ACAT2: variants seen among roughly 807,000 people sequenced by gnomAD.
ACAT2 encodes acetyl-CoA acetyltransferase 2, also known as acetyl-CoA acetyltransferase, cytosolic.
ACAT2 carries 26 observed loss-of-function variants against 37.1 expected under a neutral mutation model. The observed-to-expected ratio is 0.70, with a 90% CI of 0.51 to 0.97. The LOEUF (loss-of-function observed/expected upper bound fraction) is 0.97. Ranked by LOEUF, ACAT2 falls within the 50% of genes least tolerant of loss-of-function variation. ACAT2 has a pLI of 0.00. For missense variants in ACAT2, 468 were observed against 489.0 expected (o/e 0.96, Z 0.40); for synonymous variants, 156 against 163.6 (o/e 0.95, Z 0.35).
intron 4 of ACAT2, among the ~76,000 whole-genome samples, chr6:159,770,650 A>G (rs1029513153): frequency 2.0e-5 from 3 of 152,208 alleles, no homozygotes; most frequent in African/African-American, 7.2e-5. Context: ...CATCTCTAAA[A>G]AAAAAGAAAA....
At chr6:159,773,769 T>G (rs1780374090) in intron 4 of ACAT2, among the ~76,000 whole-genome samples, 1 of 152,236 alleles carries the variant, frequency 6.6e-6, no homozygotes, top group Non-Finnish European at 1.5e-5. Flanking sequence ...GAGTTATAAC[T>G]TATTCAATAA....
chr6:159,768,839 GTTC>G (rs1268446671), intron 4 of ACAT2, among the ~76,000 whole-genome samples: 1 of 152,200 alleles, frequency 6.6e-6, no homozygotes, highest in Non-Finnish European at 1.5e-5. Flanking sequence ...GTACCTCAGA[GTTC>G]TTCTGGATCA....
In ACAT2 at chr6:159,762,401, C is replaced by T. The variant is rs1046114050; in HGVS notation, c.55+259C>T. 20 of 1,379,104 alleles carry T rather than the reference C, an allele frequency of 1.5e-5. No homozygotes were observed. The African/African-American group carries it at 2.8e-4, about 19-fold the overall frequency. The allele number at this position is 1,379,104 out of a possible 1,614,324, so 85.4% of individuals were successfully genotyped here. A position where few individuals can be genotyped will look rare whatever the true frequency, so the allele number is the denominator to read the frequency against. On this transcript the variant is annotated intron_variant, in intron 1 of 8. Coordinates refer to ENST00000367048, the MANE Select transcript of ACAT2 (RefSeq NM_005891.3). ...CTCCCGGGGTAGAGCCATCGCGTGGCCTGCCTCTCCCATTGGTTGGCGTAG... is the reference window on the plus strand; with the variant it reads ...CTCCCGGGGTAGAGCCATCGCGTGGTCTGCCTCTCCCATTGGTTGGCGTAG...
At chr6:159,766,937 C>T (rs1780264519) in intron 2 of ACAT2, 68 bp from the exon 3 acceptor site, 1 of 1,589,262 alleles carries the variant, frequency 6.3e-7, no homozygotes, top group Non-Finnish European at 8.6e-7. Flanking sequence ...CAATTTTCCA[C>T]ACACTTTCAC....
chr6:159,765,728 T>C (rs1006989298), intron 2 of ACAT2, among the ~76,000 whole-genome samples: 4 of 152,050 alleles, frequency 2.6e-5, no homozygotes, highest in Admixed American at 1.3e-4. Flanking sequence ...GAGCCACTGC[T>C]CACAGCCTGA....
intron 4 of ACAT2, among the ~76,000 whole-genome samples, chr6:159,774,415 T>C (rs1780382310): frequency 6.6e-6 from 1 of 152,152 alleles, no homozygotes; most frequent in Non-Finnish European, 1.5e-5. Flanking sequence ...GACCAAGGAT[T>C]AGATAATAGT....
At chr6:159,763,604 A>G (rs975567322) in intron 2 of ACAT2, among the ~76,000 whole-genome samples, 4 of 130,086 alleles carry the variant, frequency 3.1e-5, no homozygotes, top group Non-Finnish European at 4.8e-5. Context: ...ACTGACCTAC[A>G]CCACCTACAC....
intron 2 of ACAT2, among the ~76,000 whole-genome samples, chr6:159,764,241 G>A (rs905398517): frequency 6.6e-6 from 1 of 152,116 alleles, no homozygotes; most frequent in Non-Finnish European, 1.5e-5. Flanking sequence ...ACTGTGCTTA[G>A]TGCTGGGAGT....
intron 7 of ACAT2, 79 bp downstream of exon 7, chr6:159,777,535 A>G: frequency 7.1e-7 from 1 of 1,412,548 alleles, no homozygotes; most frequent in South Asian, 1.4e-5. Context: ...AGTTAGCTCT[A>G]GTCTTTCCCT....
rs1583125751 is a variant in ACAT2, at chr6:159,766,931, T to C, written c.191-74T>C. Reference sequence around the variant, plus strand: ...AGTGGCAGGTAACCCAACTGGCAATTTTCCACACACTTTCACTGTGACATT... The same window carrying C: ...AGTGGCAGGTAACCCAACTGGCAATCTTCCACACACTTTCACTGTGACATT... On this transcript the variant is annotated intron_variant, in intron 2 of 8. Transcript: ENST00000367048. 4.0e-5 allele frequency: 64 copies of C among 1,583,486 alleles called. 1 individual carries two copies. The East Asian group carries it at 1.4e-3, about 35-fold the overall frequency.
At position 159,778,212 on chromosome 6, in the gene ACAT2, G is replaced by T. The variant is rs1214558141; in HGVS notation, c.955G>T (p.Glu319Ter). 3.1e-6 allele frequency: 5 copies of T among 1,612,780 alleles called. No individual in the cohort carries two copies. The highest frequency in any genetic ancestry group is 4.2e-6 in the Non-Finnish European group (5 of 1,179,738). Residue 319 changes from glutamate to a stop codon, truncating the protein, a stop_gained, in exon 8 of 9, where the codon GAA becomes TAA. Coordinates refer to ENST00000367048, the MANE Select transcript of ACAT2 (RefSeq NM_005891.3). LOFTEE classifies it high-confidence loss of function. ...GTCACTGGAAGATGTTGACATATTT[G>T]AAATCAATGAAGCCTTTGCAGCTGT... ...GWSLEDVDIF[E>*]INEAFAAVSA... is the part of the protein sequence containing the mutation.
intron 7 of ACAT2, 150 bp from the exon 8 acceptor site, chr6:159,778,020 A>C (rs1780461611): frequency 5.5e-6 from 3 of 547,984 alleles, no homozygotes; most frequent in African/African-American, 1.9e-5. Context: ...TAAGGCAAAA[A>C]TGTGTGAGAA....
chr6:159,762,653 G>T, intron 1 of ACAT2: 1 of 1,454,614 alleles, frequency 6.9e-7, no homozygotes, highest in East Asian at 3.0e-5. Flanking sequence ...GTCGCATCCA[G>T]TCCTTCGGAT....
At chr6:159,762,812 C>T (rs1780173996) in intron 1 of ACAT2, 107 bp from the exon 2 acceptor site, 4 of 1,593,968 alleles carry the variant, frequency 2.5e-6, no homozygotes, top group Non-Finnish European at 3.4e-6. Context: ...GGCACTGCCT[C>T]CTCGCGTGGC....
At chr6:159,768,200 C>G (rs374625895) in intron 3 of ACAT2, among the ~76,000 whole-genome samples, 1 of 152,052 alleles carries the variant, frequency 6.6e-6, no homozygotes, top group Non-Finnish European at 1.5e-5. Flanking sequence ...CTTCATTTAA[C>G]AGATAATTAA....
chr6:159,774,799 T>G (rs1442967879), intron 4 of ACAT2, among the ~76,000 whole-genome samples: 1 of 152,208 alleles, frequency 6.6e-6, no homozygotes, highest in Non-Finnish European at 1.5e-5. Flanking sequence ...TTTGGGGAAG[T>G]ATACACTGAA....
At chr6:159,776,811 C>T (rs1210715580) in intron 6 of ACAT2, among the ~76,000 whole-genome samples, 4 of 152,064 alleles carry the variant, frequency 2.6e-5, no homozygotes, top group African/African-American at 7.2e-5. Flanking sequence ...CTTTTTGAGA[C>T]GGAGCCTCAC....
chr6:159,771,063 C>CA (rs1352459293), intron 4 of ACAT2, among the ~76,000 whole-genome samples: 1 of 115,950 alleles, frequency 8.6e-6, no homozygotes, highest in Non-Finnish European at 1.8e-5. Context: ...AACTCTGTCT[C>CA]AAAAAATTAA....
At chr6:159,769,090 A>G (rs1279811478) in intron 4 of ACAT2, among the ~76,000 whole-genome samples, 1 of 152,256 alleles carries the variant, frequency 6.6e-6, no homozygotes, top group African/African-American at 2.4e-5. Flanking sequence ...GAAACAGAAT[A>G]GACATTTTAG....
Sources: gnomAD v4.1 joint callset for allele counts (sites outside exome capture counted in the v4.1 genomes callset) on GRCh38, gnomAD v4.1.1 for gene constraint, MANE v1.5 for transcripts, NCBI Gene and HGNC (gene_info 2026-07-23, HGNC 2026-07-21) for gene names.